Variants in ME1 observed in about 807,000 individuals in gnomAD.
The protein encoded by ME1 is NADP-dependent malic enzyme.
A neutral mutation model predicts 66.4 loss-of-function variants in ME1; 74 were observed. The observed-to-expected ratio is 1.11, with a 90% confidence interval of 0.92 to 1.35. ME1 has a LOEUF of 1.35. ME1 is among the 40% of genes most tolerant of loss of function. The pLI, the probability that ME1 is intolerant of heterozygous loss-of-function variation, is 0.00. For synonymous variants in ME1, 251 were observed against 235.6 expected (o/e 1.07, Z -0.60); for missense variants, 750 against 694.1 (o/e 1.08, Z -0.90).
chr6:83,222,158 A>G (rs1583325485), intron 12 of ME1, among the ~76,000 whole-genome samples: 1 of 152,344 alleles, frequency 6.6e-6, no homozygotes, highest in East Asian at 1.9e-4. Context: ...TCTAAAAGAC[A>G]ATGATTACAT....
intron 6 of ME1, among the ~76,000 whole-genome samples, chr6:83,283,811 A>G (rs1008832209): frequency 3.9e-5 from 6 of 152,172 alleles, no homozygotes; most frequent in African/African-American, 1.4e-4. Flanking sequence ...ACAATCTAAC[A>G]TCATGCCTAG....
chr6:83,379,351 T>C (rs1460141485), intron 3 of ME1, among the ~76,000 whole-genome samples: 2 of 152,104 alleles, frequency 1.3e-5, no homozygotes, highest in Non-Finnish European at 2.9e-5. Context: ...GATTGTTTTC[T>C]GGGTGAGGAC....
chr6:83,375,222 C>T (rs1342582791), intron 3 of ME1, among the ~76,000 whole-genome samples: 2 of 152,244 alleles, frequency 1.3e-5, no homozygotes, highest in East Asian at 3.9e-4. Context: ...TCTTCCTATC[C>T]ATGAGGATGG....
At chr6:83,373,383 G>A (rs1264960533) in intron 3 of ME1, among the ~76,000 whole-genome samples, 1 of 151,992 alleles carries the variant, frequency 6.6e-6, no homozygotes, top group East Asian at 1.9e-4. Context: ...CTACAGGTAG[G>A]TGCCAACAAG....
At chr6:83,406,971 TACACACACACAC>T (rs59788379) in intron 2 of ME1, among the ~76,000 whole-genome samples, 6 of 143,968 alleles carry the variant, frequency 4.2e-5, no homozygotes, top group African/African-American at 1.3e-4. Context: ...TTTTCATTCA[TACACACACACAC>T]ACACACACAC....
chr6:83,237,363 GA>G (rs1790433924), intron 9 of ME1, among the ~76,000 whole-genome samples: 1 of 140,680 alleles, frequency 7.1e-6, no homozygotes, highest in Admixed American at 7.2e-5. Context: ...AAGAAAGAAA[GA>G]AAGAAAGAAA....
intron 3 of ME1, 22 bp from the exon 4 acceptor site, chr6:83,352,161 A>AAG: frequency 6.9e-7 from 1 of 1,444,316 alleles, no homozygotes. Context: ...AAAAAAAAAA[A>AAG]AGGAGTAGTT....
chr6:83,302,114 T>C (rs776622831), intron 6 of ME1, among the ~76,000 whole-genome samples: 4 of 152,184 alleles, frequency 2.6e-5, no homozygotes, highest in Admixed American at 1.3e-4. Flanking sequence ...TGAAATACTA[T>C]GCAGCCATAA....
chr6:83,253,835 T>C, intron 6 of ME1, 97 bp from the exon 7 acceptor site: 1 of 628,864 alleles, frequency 1.6e-6, no homozygotes, highest in South Asian at 2.1e-5. Context: ...AAACATTATT[T>C]CCTTTTAAAG....
chr6:83,352,296 G>C (rs1259623099), intron 3 of ME1, among the ~76,000 whole-genome samples, 157 bp from the exon 4 acceptor site: 2 of 151,856 alleles, frequency 1.3e-5, no homozygotes, highest in Non-Finnish European at 2.9e-5. Flanking sequence ...TAAGGGGCAG[G>C]AATTCTTATA....
intron 4 of ME1, among the ~76,000 whole-genome samples, chr6:83,349,107 A>C (rs1413966610): frequency 8.6e-5 from 13 of 151,610 alleles, no homozygotes; most frequent in Admixed American, 8.6e-4. Context: ...ATACATATAC[A>C]TGAACATTTA....
chr6:83,268,740 A>ATTATTATTATTATTC (rs1248290107), intron 6 of ME1, among the ~76,000 whole-genome samples: 1 of 149,084 alleles, frequency 6.7e-6, no homozygotes, highest in African/African-American at 2.5e-5. Flanking sequence ...TATTATTATT[A>ATTATTATTATTATTC]TTATTATTAT....
At chr6:83,328,945 T>A (rs1768353999) in intron 5 of ME1, among the ~76,000 whole-genome samples, 1 of 152,058 alleles carries the variant, frequency 6.6e-6, no homozygotes, top group South Asian at 2.1e-4. Flanking sequence ...TATATATTGG[T>A]AATTATACTA....
chr6:83,418,508 G>A (rs1770203682), intron 1 of ME1, among the ~76,000 whole-genome samples: 1 of 152,174 alleles, frequency 6.6e-6, no homozygotes, highest in South Asian at 2.1e-4. Context: ...ATTAGGGAGG[G>A]CAATCTGCTT....
At chr6:83,430,786 AG>A in intron 1 of ME1, 90 bp downstream of exon 1, 2 of 1,145,140 alleles carry the variant, frequency 1.7e-6, no homozygotes, top group Non-Finnish European at 2.5e-6. Context: ...GGAGCGGCGG[AG>A]GGGCGAGGCC....
At chr6:83,367,306 T>C (rs1422073658) in intron 3 of ME1, among the ~76,000 whole-genome samples, 1 of 152,158 alleles carries the variant, frequency 6.6e-6, no homozygotes, top group Non-Finnish European at 1.5e-5. Context: ...GGCTCTAGGA[T>C]ATTCAAAATG....
intron 6 of ME1, among the ~76,000 whole-genome samples, chr6:83,273,321 A>T (rs979601985): frequency 6.6e-6 from 1 of 152,196 alleles, no homozygotes; most frequent in African/African-American, 2.4e-5. Flanking sequence ...AACAATAAAG[A>T]TAAACAATTG....
chr6:83,378,635 T>C, intron 3 of ME1, among the ~76,000 whole-genome samples: 1 of 151,988 alleles, frequency 6.6e-6, no homozygotes. Flanking sequence ...TGTCCATTGA[T>C]TGGAGAAGAC....
At chr6:83,419,664 A>G (rs1230776239) in intron 1 of ME1, among the ~76,000 whole-genome samples, 9 of 152,220 alleles carry the variant, frequency 5.9e-5, no homozygotes, top group Admixed American at 5.9e-4. Context: ...AAGCGAATCT[A>G]TAAGACTATT....
Sources: gnomAD v4.1 joint callset for allele counts (sites outside exome capture counted in the v4.1 genomes callset) on GRCh38, gnomAD v4.1.1 for gene constraint, MANE v1.5 for transcripts, NCBI Gene and HGNC (gene_info 2026-07-23, HGNC 2026-07-21) for gene names.